The following TRAPPC11 variants were observed in gnomAD, a reference collection of about 807,000 sequenced individuals.
TRAPPC11 encodes the protein foie gras homolog.
Under a neutral mutation model 151.2 loss-of-function variants are expected in TRAPPC11, and 104 were observed. The ratio of observed to expected loss-of-function variants is 0.69; its 90% confidence interval spans 0.59 to 0.81. The LOEUF (loss-of-function observed/expected upper bound fraction) is 0.81. TRAPPC11 is among the 30% of genes least tolerant of loss of function. The pLI is 0.00. For missense variants in TRAPPC11, 1,230 were observed against 1,349.6 expected (o/e 0.91, Z 1.39); for synonymous variants, 456 against 472.3 (o/e 0.97, Z 0.45).
At chr4:183,703,231 T>C (rs1275629436) in intron 26 of TRAPPC11, among the ~76,000 whole-genome samples, 1 of 152,200 alleles carries the variant, frequency 6.6e-6, no homozygotes, top group Non-Finnish European at 1.5e-5. Context: ...TCAAGACTCC[T>C]TTACACTTTG....
At chr4:183,687,183 A>AATAT (rs534572257) in intron 18 of TRAPPC11, among the ~76,000 whole-genome samples, 2 of 150,248 alleles carry the variant, frequency 1.3e-5, no homozygotes, top group South Asian at 2.1e-4. Context: ...TGTGTCAAAA[A>AATAT]ATATATATAT....
At chr4:183,661,396 TCTC>T (rs374191295) in intron 1 of TRAPPC11, among the ~76,000 whole-genome samples, 3,324 of 120,030 alleles carry the variant, frequency 0.028, 55 homozygotes, top group African/African-American at 0.053. Context: ...TGAGACGGAG[TCTC>T]CTCGCTCTGT....
intron 28 of TRAPPC11, 141 bp downstream of exon 28, chr4:183,707,081 C>T: frequency 1.0e-6 from 1 of 978,192 alleles, no homozygotes; most frequent in Non-Finnish European, 1.4e-6. Flanking sequence ...TTTTTAAGCA[C>T]CTTAAGTACA....
At chr4:183,705,174 A>G (rs1736995195) in intron 27 of TRAPPC11, 104 bp downstream of exon 27, 2 of 811,478 alleles carry the variant, frequency 2.5e-6, no homozygotes, top group Admixed American at 2.1e-5. Context: ...AAAGTTTTTC[A>G]GCATTTGTAA....
chr4:183,683,925 A>T, intron 11 of TRAPPC11, 50 bp from the exon 12 acceptor site: 2 of 1,439,846 alleles, frequency 1.4e-6, no homozygotes, highest in African/African-American at 2.8e-5. Context: ...TCATATGAAG[A>T]TTTATATTAA....
intron 18 of TRAPPC11, 122 bp downstream of exon 18, chr4:183,686,870 G>T: frequency 8.2e-7 from 1 of 1,216,876 alleles, no homozygotes; most frequent in Non-Finnish European, 1.2e-6. Flanking sequence ...ATGAACTTTG[G>T]TAAGGTCTAT....
At position 183,686,597 on chromosome 4, in the gene TRAPPC11, G is replaced by A. The variant is rs369035673; in HGVS notation, c.1763-21G>A. The A allele has an allele frequency of 1.9e-5, 30 of 1,612,590 alleles. No homozygotes were observed. The African/African-American group carries it at 3.9e-4, about 21-fold the overall frequency. ...TGGGTATCTGGTTGTGCATAACACA[G>A]CCCTTTTGTTTTATTTCTAGTGCAG... On this transcript the variant is annotated intron_variant, in intron 17 of 29. Coordinates refer to ENST00000334690, the MANE Select transcript of TRAPPC11 (RefSeq NM_021942.6).
At position 183,706,947 on chromosome 4, in the gene TRAPPC11, G is replaced by T. The variant is rs754150405; in HGVS notation, c.3189+7G>T. ...GTTCTCAGGTCTCAAACAGGTACAGGTCATATCTTGTGATGCTTATGTTGA... is the reference window on the plus strand; with the variant it reads ...GTTCTCAGGTCTCAAACAGGTACAGTTCATATCTTGTGATGCTTATGTTGA... On this transcript the variant is annotated splice_region_variant and intron_variant, in intron 28 of 29. Transcript: ENST00000334690. 1.9e-6 allele frequency: 3 copies of T among 1,613,182 alleles called. No homozygotes were observed. The highest frequency in any genetic ancestry group is 2.5e-6 in the Non-Finnish European group (3 of 1,179,650).
In TRAPPC11 at chr4:183,666,264, C is replaced by T. The variant is rs774887816; in HGVS notation, c.212C>T (p.Ser71Leu). Reference protein sequence around the residue: ...EYPKCRPKRTSYEWYIPKGIL... With the variant: ...EYPKCRPKRTLYEWYIPKGIL... ...TTCTGCCAATGTTTGCAGAGAACTTCATATGAGTGGTACATTCCTAAAGGG... is the reference window on the plus strand; with the variant it reads ...TTCTGCCAATGTTTGCAGAGAACTTTATATGAGTGGTACATTCCTAAAGGG... The change falls in exon 3 of 30, where the codon TCA (serine) becomes TTA (leucine). Residue 71 changes from serine (S) to leucine (L), a missense_variant. Physicochemically the swap from Ser to Leu is moderately radical, Grantham distance 145 (BLOSUM62 -2). Coordinates refer to ENST00000334690, the MANE Select transcript of TRAPPC11 (RefSeq NM_021942.6). The T allele has an allele frequency of 1.3e-5, 21 of 1,611,460 alleles. No individual in the cohort carries two copies. The highest frequency in any genetic ancestry group is 1.3e-5 in the Non-Finnish European group (15 of 1,179,076).
chr4:183,701,752 T>G lies in TRAPPC11; in HGVS notation c.2907T>G (p.Ser969=). ...ASECFCLQCP[S]LGNIEGGVAT... Reference sequence around the variant, plus strand: ...AATGCTTTTGTCTTCAATGCCCATCTCTTGGAAATATTGAAGGTGGAGTAG... The same window carrying G: ...AATGCTTTTGTCTTCAATGCCCATCGCTTGGAAATATTGAAGGTGGAGTAG... Residue 969 remains serine, a synonymous_variant, in exon 26 of 30, where the codon TCT becomes TCG. Transcript: ENST00000334690. The G allele has an allele frequency of 6.2e-7, 1 of 1,614,034 alleles. No homozygotes were observed. Among genetic ancestry groups the G allele is most frequent in the Non-Finnish European group, 8.5e-7 (1 of 1,179,944 alleles).
At chr4:183,692,448 C>T (rs1736302408) in intron 19 of TRAPPC11, among the ~76,000 whole-genome samples, 1 of 151,194 alleles carries the variant, frequency 6.6e-6, no homozygotes, top group South Asian at 2.1e-4. Flanking sequence ...CTAAGGGAAC[C>T]TACCAGACAT....
intron 18 of TRAPPC11, among the ~76,000 whole-genome samples, chr4:183,688,933 G>A (rs1736119761): frequency 6.6e-6 from 1 of 152,064 alleles, no homozygotes; most frequent in African/African-American, 2.4e-5. Flanking sequence ...TTTTTTTATA[G>A]AGATGGAGTG....
chr4:183,677,444 C>G lies in TRAPPC11; in HGVS notation c.735-14C>G. On this transcript the variant is annotated splice_polypyrimidine_tract_variant and intron_variant, in intron 7 of 29. Coordinates refer to ENST00000334690, the MANE Select transcript of TRAPPC11 (RefSeq NM_021942.6). Reference sequence around the variant, plus strand: ...TTAAACTAATTTATATCATTAACCACCCTCCTCATTTAGGAATTATAGGAC... The same window carrying G: ...TTAAACTAATTTATATCATTAACCAGCCTCCTCATTTAGGAATTATAGGAC... 1 of 1,452,366 alleles carries G rather than the reference C, an allele frequency of 6.9e-7. No homozygotes were observed. Among genetic ancestry groups the G allele is most frequent in the Non-Finnish European group, 9.6e-7 (1 of 1,038,478 alleles). The allele number at this position is 1,452,366 out of a possible 1,614,324, so 90.0% of individuals were successfully genotyped here. A position where few individuals can be genotyped will look rare whatever the true frequency, so the allele number is the denominator to read the frequency against.
intron 2 of TRAPPC11, among the ~76,000 whole-genome samples, chr4:183,664,797 G>A (rs1734757622): frequency 6.6e-6 from 1 of 152,024 alleles, no homozygotes; most frequent in African/African-American, 2.4e-5. Flanking sequence ...AACCCTTTTA[G>A]TTCTGACCCC....
At chr4:183,697,454 T>TA in intron 23 of TRAPPC11, 49 bp from the exon 24 acceptor site, 1 of 1,557,580 alleles carries the variant, frequency 6.4e-7, no homozygotes, top group Admixed American at 2.1e-5. Context: ...AAACTTTATA[T>TA]AAAAAGATTT....
At position 183,684,844 on chromosome 4, in the gene TRAPPC11, A is replaced by C; in HGVS notation, c.1567+3A>C. 1 of 1,607,256 alleles carries C rather than the reference A, an allele frequency of 6.2e-7. No individual in the cohort carries two copies. Among genetic ancestry groups the C allele is most frequent in the South Asian group, 1.1e-5 (1 of 89,160 alleles). ...CTCCCTAGAACTCCTTGGTAGAGGT[A>C]ACCTGATGTTTTTTGAGTAAAATTC... On this transcript the variant is annotated splice_donor_region_variant and intron_variant, in intron 15 of 29. Transcript: ENST00000334690.
rs373483889 is a variant in TRAPPC11, at chr4:183,686,879, A to G, written c.1893+131A>G. 4.8e-5 allele frequency: 52 copies of G among 1,093,214 alleles called. No homozygotes were observed. In the East Asian group the frequency reaches 5.7e-4, roughly 12 times the overall value. 67.7% of individuals were successfully genotyped at this position (1,093,214 alleles called of 1,614,324 possible). The stretch of plus-strand genomic sequence containing the variant: ...TAACAAATGAACTTTGGTAAGGTCT[A>G]TTCAAAAATATATCTCCAGGGCCGG... On this transcript the variant is annotated intron_variant, in intron 18 of 29. Transcript: ENST00000334690.
At chr4:183,700,300 T>G (rs891088923) in intron 25 of TRAPPC11, among the ~76,000 whole-genome samples, 1 of 152,212 alleles carries the variant, frequency 6.6e-6, no homozygotes, top group Non-Finnish European at 1.5e-5. Context: ...ATAAAAATAC[T>G]TAATTAAAGC....
rs1198561243 is a variant in TRAPPC11, at chr4:183,697,557, G to A, written c.2683G>A (p.Val895Ile). 1 of 1,603,372 alleles carries A rather than the reference G, an allele frequency of 6.2e-7. No homozygotes were observed. ...TCCATTTGATGTTGCGGTTAAATTT[G>A]TTTCTACCAAGGTATGTTTCTTTGA... The part of the protein sequence containing the change: ...VFPFDVAVKF[V>I]STKFEHLERV... The change falls in exon 24 of 30, where the codon GTT becomes ATT. Residue 895 changes from valine to isoleucine, a missense_variant. By Grantham distance (29) the Val-to-Ile change is conservative. Coordinates refer to ENST00000334690, the MANE Select transcript of TRAPPC11 (RefSeq NM_021942.6).
Sources: gnomAD v4.1 joint callset for allele counts (sites outside exome capture counted in the v4.1 genomes callset) on GRCh38, gnomAD v4.1.1 for gene constraint, MANE v1.5 for transcripts, NCBI Gene and HGNC (gene_info 2026-07-23, HGNC 2026-07-21) for gene names.